PCDHGB1: variants seen among roughly 807,000 people sequenced by gnomAD.
PCDHGB1 encodes the protein protocadherin gamma subfamily B, 1.
In PCDHGB1, 34 loss-of-function variants were observed where a neutral mutation model predicts 56.6. The observed-to-expected ratio is 0.60, with a 90% CI of 0.46 to 0.80. PCDHGB1 has a LOEUF of 0.80. PCDHGB1 is among the 30% of genes least tolerant of loss of function. The pLI, the probability that PCDHGB1 is intolerant of heterozygous loss-of-function variation, is 0.00. For missense variants in PCDHGB1, 1,278 were observed against 1,204.6 expected (o/e 1.06, Z -0.90); for synonymous variants, 561 against 505.9 (o/e 1.11, Z -1.46).
intron 1 of PCDHGB1, chr5:141,478,782 T>C: frequency 6.7e-7 from 1 of 1,485,212 alleles, no homozygotes. Context: ...GTGGACCTAA[T>C]TCACATCCTC....
At chr5:141,403,686 G>T in intron 1 of PCDHGB1, 1 of 1,613,824 alleles carries the variant, frequency 6.2e-7, no homozygotes, top group Non-Finnish European at 8.5e-7. Context: ...TTTGCTCAAC[G>T]GATTTACCGA....
chr5:141,355,598 T>C (rs749684792), intron 1 of PCDHGB1: 15 of 1,613,952 alleles, frequency 9.3e-6, no homozygotes, highest in Non-Finnish European at 1.3e-5. Context: ...CCACCCAGTT[T>C]TGGGACAGAA....
chr5:141,352,549 T>C lies in PCDHGB1; in HGVS notation c.2289T>C (p.Ser763=). Reference sequence around the variant, plus strand: ...ATTCTGCAAAGACAGAGTTTAATTCTCTCAACCTGACACCGGAAATGGCTC... The same window carrying C: ...ATTCTGCAAAGACAGAGTTTAATTCCCTCAACCTGACACCGGAAATGGCTC... ...ASHSAKTEFN[S]LNLTPEMAPP... Residue 763 remains serine (S), a synonymous_variant, in exon 1 of 4, where the codon TCT becomes TCC. Coordinates refer to ENST00000523390, the MANE Select transcript of PCDHGB1 (RefSeq NM_018922.3). The C allele has an allele frequency of 6.2e-7, 1 of 1,613,996 alleles. No individual in the cohort carries two copies. The highest frequency in any genetic ancestry group is 8.5e-7 in the Non-Finnish European group (1 of 1,179,890).
chr5:141,495,735 T>C (rs1595351919), intron 2 of PCDHGB1, among the ~76,000 whole-genome samples: 1 of 152,044 alleles, frequency 6.6e-6, no homozygotes, highest in Admixed American at 6.5e-5. Context: ...CCTTAGTCTC[T>C]TTCTCCTTCT....
At chr5:141,450,355 C>T (rs943649682) in intron 1 of PCDHGB1, among the ~76,000 whole-genome samples, 2 of 152,090 alleles carry the variant, frequency 1.3e-5, no homozygotes, top group Non-Finnish European at 2.9e-5. Context: ...TGAAACAGTT[C>T]CTCAGCCTTG....
chr5:141,370,618 T>G, intron 1 of PCDHGB1: 1 of 1,613,964 alleles, frequency 6.2e-7, no homozygotes, highest in Non-Finnish European at 8.5e-7. Context: ...AAGAAATTCT[T>G]TACCGTGAGC....
At chr5:141,507,349 A>G (rs537480798) in intron 3 of PCDHGB1, 1 of 152,236 alleles carries the variant, frequency 6.6e-6, no homozygotes, top group African/African-American at 2.4e-5. Flanking sequence ...CTGAAATTCA[A>G]ATTTAACTGG....
At chr5:141,400,268 C>T (rs976476082) in intron 1 of PCDHGB1, 3 of 1,613,962 alleles carry the variant, frequency 1.9e-6, no homozygotes, top group East Asian at 4.5e-5. Flanking sequence ...CTGCGACGCT[C>T]CTCCAGCCCT....
intron 1 of PCDHGB1, chr5:141,409,419 CAGAT>C (rs1303289792): frequency 3.1e-6 from 5 of 1,614,028 alleles, no homozygotes; most frequent in Non-Finnish European, 3.4e-6. Context: ...AAACTGGTGA[CAGAT>C]GGAGCCCTGG....
At chr5:141,361,833 G>T (rs376471858) in intron 1 of PCDHGB1, 4 of 1,612,898 alleles carry the variant, frequency 2.5e-6, no homozygotes, top group Non-Finnish European at 3.4e-6. Context: ...TGTACCCCGC[G>T]CTGGGGCCTG....
intron 1 of PCDHGB1, chr5:141,442,419 T>TG (rs1214499832): frequency 1.3e-5 from 2 of 152,192 alleles, no homozygotes; most frequent in African/African-American, 4.8e-5. Context: ...AGTGAACTTC[T>TG]TTTTTGAATC....
chr5:141,492,084 G>A (rs979755390), intron 1 of PCDHGB1, among the ~76,000 whole-genome samples: 1 of 152,236 alleles, frequency 6.6e-6, no homozygotes, highest in Non-Finnish European at 1.5e-5. Flanking sequence ...GCTCCGGCAC[G>A]CTTCGCCGGT....
intron 1 of PCDHGB1, chr5:141,395,652 A>C (rs2093296938): frequency 6.0e-6 from 1 of 165,528 alleles, no homozygotes; most frequent in Admixed American, 6.1e-5. Context: ...TTAGCTTAGC[A>C]AAAGTAAAAT....
At chr5:141,436,181 T>C (rs1050736907) in intron 1 of PCDHGB1, among the ~76,000 whole-genome samples, 2 of 152,092 alleles carry the variant, frequency 1.3e-5, no homozygotes, top group African/African-American at 4.8e-5. Flanking sequence ...TCATATATAG[T>C]CAAATAGAAA....
chr5:141,491,312 C>T lies in PCDHGB1; in HGVS notation c.2410-3495C>T, dbSNP rs749198887. The stretch of plus-strand genomic sequence containing the variant: ...CACCCTCCTGAGCGTTCAGACCTTA[C>T]CCTTTACCTCATTGTGGCTCTAGCG... On this transcript the variant is annotated intron_variant, in intron 1 of 3. Transcript: ENST00000523390. The surrounding 1 kb of genome is among the most constrained non-coding windows in gnomAD (Gnocchi z 6.9). 3 of 1,614,170 alleles carry T rather than the reference C, an allele frequency of 1.9e-6. No individual in the cohort carries two copies. Among genetic ancestry groups the T allele is most frequent in the East Asian group, 4.5e-5 (2 of 44,878 alleles).
At chr5:141,364,463 GT>G (rs754642507) in intron 1 of PCDHGB1, 9 of 1,614,000 alleles carry the variant, frequency 5.6e-6, no homozygotes, top group Admixed American at 1.7e-5. Flanking sequence ...AGGCTCCTTC[GT>G]CGGCAACATA....
chr5:141,410,852 T>A, intron 1 of PCDHGB1: 1 of 284,264 alleles, frequency 3.5e-6, no homozygotes. Context: ...TCTTTGTCTT[T>A]TTTTTTTTTT....
Position 141,490,013 on chromosome 5 carries a change from G to A in PCDHGB1, c.2410-4794G>A. 6.2e-7 allele frequency: 1 copy of A among 1,614,206 alleles called. No individual in the cohort carries two copies. The highest frequency in any genetic ancestry group is 1.1e-5 in the South Asian group (1 of 91,088). Reference sequence around the variant, plus strand: ...GGAATCCCAGAGAATGCACCCATTGGTACTCTGCTGCTCCGCCTCAATGCC... The same window carrying A: ...GGAATCCCAGAGAATGCACCCATTGATACTCTGCTGCTCCGCCTCAATGCC... On this transcript the variant is annotated intron_variant, in intron 1 of 3. Transcript: ENST00000523390. This position sits in a 1 kb window ranked among gnomAD's most constrained non-coding sequence, Gnocchi z 5.4.
chr5:141,371,323 AAGAG>A, intron 1 of PCDHGB1: 4 of 1,614,012 alleles, frequency 2.5e-6, no homozygotes, highest in Non-Finnish European at 3.4e-6. Flanking sequence ...CTGGACTTTG[AAGAG>A]AGAGATAGCT....
Sources: allele counts gnomAD v4.1 joint callset (sites outside exome capture counted in the v4.1 genomes callset), GRCh38; gene constraint gnomAD v4.1.1; non-coding constraint Gnocchi (gnomAD v3.1); transcripts MANE v1.5; gene names NCBI Gene and HGNC (gene_info 2026-07-23, HGNC 2026-07-21).